Variants in TKFC observed in about 807,000 individuals in gnomAD.
TKFC encodes triokinase/FMN cyclase.
TKFC carries 46 observed loss-of-function variants against 61.0 expected under a neutral mutation model. The ratio of observed to expected loss-of-function variants is 0.75; its 90% CI spans 0.60 to 0.96. TKFC has a LOEUF of 0.96. TKFC is among the 50% of genes least tolerant of loss of function. The probability of loss-of-function intolerance (pLI) is 0.00; values close to 1 mark genes in which losing one functional copy is unlikely to be tolerated. For missense variants in TKFC, 715 were observed against 777.5 expected (o/e 0.92, Z 0.96); for synonymous variants, 314 against 330.1 (o/e 0.95, Z 0.53).
chr11:61,350,729 C>T (rs1351042999), downstream of TKFC: 2 of 595,506 alleles, frequency 3.4e-6, no homozygotes, highest in Non-Finnish European at 5.8e-6. Flanking sequence ...GATAAGGCCA[C>T]ACTTCACCCC....
Position 61,343,365 on chromosome 11 carries a change from CGTGCCCTG to C in TKFC, c.893_900del (p.Ala298GlyfsTer21). 1 of 1,614,132 alleles carries C rather than the reference CGTGCCCTG, an allele frequency of 6.2e-7. No individual in the cohort carries two copies. On this transcript the variant is annotated frameshift_variant, in exon 11 of 18. Coordinates refer to ENST00000394900, the MANE Select transcript of TKFC (RefSeq NM_015533.4). LOFTEE classifies it high-confidence loss of function. ...AGAGGGCCGCGGGGTGAAGATTGCC[CGTGCCCTG>C]GTGGGCACCTTCATGTCAGCACTGG... is the stretch of plus-strand genomic sequence containing the variant.
At chr11:61,340,796 A>G (rs945366970) in intron 5 of TKFC, among the ~76,000 whole-genome samples, 2 of 151,972 alleles carry the variant, frequency 1.3e-5, no homozygotes, top group East Asian at 3.9e-4. Flanking sequence ...AACTCCTACC[A>G]TTCTACAGAG....
chr11:61,342,408 T>A (rs1394725831), intron 7 of TKFC, 53 bp from the exon 8 acceptor site: 9 of 1,612,556 alleles, frequency 5.6e-6, no homozygotes, highest in Non-Finnish European at 7.6e-6. Context: ...ATAAAAACGA[T>A]GAGCAAATCC....
rs544225337 is a variant in TKFC, at chr11:61,342,826, G to C, written c.847G>C (p.Ala283Pro). ...SFLELGIIAD[A>P]TVRSLEGRGV... ...CCTGGAACTGGGCATCATAGCCGACGCTACCGTCCGCTCCCTGGGTGAGCC... is the reference window on the plus strand; with the variant it reads ...CCTGGAACTGGGCATCATAGCCGACCCTACCGTCCGCTCCCTGGGTGAGCC... Residue 283 changes from alanine (A) to proline (P), a missense_variant, in exon 10 of 18, where the codon GCT becomes CCT. Ala to Pro is a conservative substitution (Grantham distance 27). Coordinates refer to ENST00000394900, the MANE Select transcript of TKFC (RefSeq NM_015533.4). 1 of 1,613,892 alleles carries C rather than the reference G, an allele frequency of 6.2e-7. No individual in the cohort carries two copies. The highest frequency in any genetic ancestry group is 2.2e-5 in the East Asian group (1 of 44,884).
At chr11:61,353,177 G>A, downstream of TKFC, 1 of 1,554,594 alleles carries the variant, frequency 6.4e-7, no homozygotes, top group South Asian at 1.2e-5. Context: ...ACTGTGCTAT[G>A]TGTGACCAAA....
Position 61,342,618 on chromosome 11 carries a change from G to A in TKFC, c.735G>A (p.Met245Ile), listed in dbSNP as rs754683040. Reference protein sequence around the residue: ...DEIVKLMLDHMTNTTNASHVP... With the variant: ...DEIVKLMLDHITNTTNASHVP... ...TTGTGAAACTCATGCTCGACCACAT[G>A]ACAAACACCACCAACGCGTCCCATG... Residue 245 changes from methionine (M) to isoleucine (I), a missense_variant, in exon 9 of 18, where the codon ATG (methionine) becomes ATA (isoleucine). Coordinates refer to ENST00000394900, the MANE Select transcript of TKFC (RefSeq NM_015533.4). 1.2e-6 allele frequency: 2 copies of A among 1,614,084 alleles called. No homozygotes were observed. Among genetic ancestry groups the A allele is most frequent in the South Asian group, 2.2e-5 (2 of 91,084 alleles).
At chr11:61,341,413 C>T (rs1295834679) in intron 5 of TKFC, 23 bp from the exon 6 acceptor site, 3 of 1,551,834 alleles carry the variant, frequency 1.9e-6, no homozygotes, top group Middle Eastern at 1.7e-4. Flanking sequence ...CCCCCTGGGG[C>T]TTTTACCTCT....
chr11:61,337,347 T>G (rs549242747), intron 2 of TKFC, among the ~76,000 whole-genome samples: 1 of 152,210 alleles, frequency 6.6e-6, no homozygotes, highest in African/African-American at 2.4e-5. Context: ...AGTCTCATCA[T>G]GTTGCCCAGG....
At chr11:61,344,664 G>C (rs759464285) in intron 13 of TKFC, among the ~76,000 whole-genome samples, 55 of 152,134 alleles carry the variant, frequency 3.6e-4, no homozygotes, top group Non-Finnish European at 6.9e-4. Flanking sequence ...ACACCCGGCC[G>C]ACAGGGACCT....
In TKFC at chr11:61,346,043, A is replaced by G; in HGVS notation, c.1575+97A>G. 7.5e-7 allele frequency: 1 copy of G among 1,337,874 alleles called. No homozygotes were observed. 82.9% of individuals were successfully genotyped at this position (1,337,874 alleles called of 1,614,324 possible). Reference sequence around the variant, plus strand: ...CTGAGCAAGTTAATAACCTTCCTGGACCGCAGTTTCCTTCTCTGTACAATG... The same window carrying G: ...CTGAGCAAGTTAATAACCTTCCTGGGCCGCAGTTTCCTTCTCTGTACAATG... On this transcript the variant is annotated intron_variant, in intron 17 of 17. Transcript: ENST00000394900. The surrounding 1 kb of genome is among the most constrained non-coding windows in gnomAD (Gnocchi z 4.1).
intron 16 of TKFC, 53 bp downstream of exon 16, chr11:61,345,798 T>C: frequency 1.2e-6 from 2 of 1,614,160 alleles, no homozygotes; most frequent in Non-Finnish European, 1.7e-6. Context: ...CCTGTAAGTC[T>C]AAAGAGCACC....
In TKFC at chr11:61,334,707, C is replaced by T; in HGVS notation, c.-22C>T. On this transcript the variant is annotated 5_prime_UTR_variant, in exon 2 of 18. Transcript: ENST00000394900. ...GCTCAGTGCAACGGTGTGAACTCAG[C>T]CTGTTTCAGAGCCTCCACACCATGG... The T allele has an allele frequency of 6.2e-7, 1 of 1,614,042 alleles. No individual in the cohort carries two copies.
In TKFC at chr11:61,341,826, C is replaced by A. The variant is rs1311768335; in HGVS notation, c.569C>A (p.Thr190Asn). ...QVNVVAKAMG[T>N]LGVSLSSCSV... is the part of the protein sequence containing the mutation. ...CTTCATGCCTTGTTTCTCATAGGTACCCTGGGGGTGAGCTTATCCTCCTGC... is the reference window on the plus strand; with the variant it reads ...CTTCATGCCTTGTTTCTCATAGGTAACCTGGGGGTGAGCTTATCCTCCTGC... Residue 190 changes from threonine (T) to asparagine (N), a missense_variant, in exon 7 of 18, where the codon ACC becomes AAC. Transcript: ENST00000394900. 8.7e-6 allele frequency: 14 copies of A among 1,613,760 alleles called. No individual in the cohort carries two copies. The Admixed American group carries it at 1.8e-4, about 21-fold the overall frequency.
At chr11:61,335,574 C>G (rs1856571982) in intron 2 of TKFC, 2 of 152,320 alleles carry the variant, frequency 1.3e-5, no homozygotes, top group Admixed American at 6.5e-5. Context: ...GAGCCACAAA[C>G]CCATGTCCTT....
downstream of TKFC, chr11:61,353,297 T>A (rs946281256): frequency 2.1e-6 from 2 of 931,110 alleles, no homozygotes; most frequent in African/African-American, 3.3e-5. Context: ...GCTTCCTCAT[T>A]GTGGCCTATT....
At chr11:61,352,058 C>G (rs528991187), downstream of TKFC, 1 of 152,332 alleles carries the variant, frequency 6.6e-6, no homozygotes, top group Admixed American at 6.5e-5. Context: ...CATGAGGAAA[C>G]TGAAGCTCAA....
chr11:61,343,976 G>A lies in TKFC; in HGVS notation c.1102+1G>A, dbSNP rs771710753. The stretch of plus-strand genomic sequence containing the variant: ...GCCCCTGATTCCACTGCTGCAGGAG[G>A]TACCAACCCCTGCCTTTGGGGAAGG... On this transcript the variant is annotated splice_donor_variant, in intron 12 of 17. Transcript: ENST00000394900. LOFTEE classifies it high-confidence loss of function. The A allele has an allele frequency of 9.3e-6, 15 of 1,610,618 alleles. No individual in the cohort carries two copies. The East Asian group carries it at 2.9e-4, about 31-fold the overall frequency.
intron 2 of TKFC, among the ~76,000 whole-genome samples, chr11:61,336,815 G>A (rs1432649719): frequency 1.3e-5 from 2 of 152,082 alleles, no homozygotes; most frequent in African/African-American, 4.8e-5. Flanking sequence ...AACCCCTCCT[G>A]AGGCTGCCTG....
Position 61,348,773 on chromosome 11 carries a change from A to G in TKFC, c.*2270A>G, listed in dbSNP as rs1448060009. 1 of 152,404 alleles carries G rather than the reference A, an allele frequency of 6.6e-6. No individual in the cohort carries two copies. The highest frequency in any genetic ancestry group is 2.4e-5 in the African/African-American group (1 of 41,428). The allele number at this position is 152,404 out of a possible 1,614,324, so 9.4% of individuals were successfully genotyped here. On this transcript the variant is annotated 3_prime_UTR_variant, in exon 18 of 18. Coordinates refer to ENST00000394900, the MANE Select transcript of TKFC (RefSeq NM_015533.4). Reference sequence around the variant, plus strand: ...TTGTTTAAGCCACCCAGGCTATTATATTTTTGTTATAGCAGCCTGAACAAA... The same window carrying G: ...TTGTTTAAGCCACCCAGGCTATTATGTTTTTGTTATAGCAGCCTGAACAAA...
Sources: gnomAD v4.1 joint callset for allele counts (sites outside exome capture counted in the v4.1 genomes callset) on GRCh38, gnomAD v4.1.1 for gene constraint, Gnocchi (gnomAD v3.1) non-coding constraint, MANE v1.5 for transcripts, NCBI Gene and HGNC (gene_info 2026-07-23, HGNC 2026-07-21) for gene names.